The following SLC17A1 variants were observed in gnomAD, a reference collection of about 807,000 sequenced individuals.
SLC17A1 encodes solute carrier family 17 member 1.
In SLC17A1, 51 loss-of-function variants were observed where a neutral mutation model predicts 53.5. The ratio of observed to expected loss-of-function variants is 0.95; its 90% CI spans 0.76 to 1.20. The LOEUF is 1.20. SLC17A1 is among the 50% of genes most tolerant of loss of function. SLC17A1 has a pLI of 0.00. For synonymous variants in SLC17A1, 179 were observed against 198.8 expected, an observed-to-expected ratio of 0.90 and a Z score of 0.84; for missense variants, 538 against 568.2, an observed-to-expected ratio of 0.95 and a Z score of 0.54.
At chr6:25,732,003 C>T in the SLC17A1 span, 1 of 1,566,952 alleles carries the variant, frequency 6.4e-7, no homozygotes, top group East Asian at 2.3e-5. Flanking sequence ...GGAAGAGATT[C>T]CAGTGTCCGC....
At chr6:25,773,625 C>T in the SLC17A1 span, 39 of 1,613,742 alleles carry the variant, frequency 2.4e-5, no homozygotes, top group Middle Eastern at 3.3e-4. Context: ...ACCATTATGG[C>T]GTACACACCA....
At chr6:25,759,178 G>T in the SLC17A1 span, among the ~76,000 whole-genome samples, 43,556 of 151,788 alleles carry the variant, frequency 0.29, 7,329 homozygotes, top group East Asian at 0.74. Context: ...ATATAATTTC[G>T]ATTTCCTTAA....
downstream of SLC17A1, among the ~76,000 whole-genome samples, chr6:25,782,049 G>C (rs1181586649): frequency 6.6e-6 from 1 of 152,204 alleles, no homozygotes; most frequent in Non-Finnish European, 1.5e-5. Context: ...TTGTGACAAG[G>C]GAGGAATTTT....
chr6:25,732,074 G>C, the SLC17A1 span: 450,936 of 1,170,324 alleles, frequency 0.39, 90,241 homozygotes, highest in African/African-American at 0.47. Context: ...GGCATCTCTT[G>C]CGCTTTTTGT....
In SLC17A1 at chr6:25,811,488, T is replaced by C. The variant is rs1764155269; in HGVS notation, c.1088A>G (p.Tyr363Cys). Residue 363 changes from tyrosine to cysteine, a missense_variant, in exon 10 of 13, where the codon TAC becomes TGC. Transcript: ENST00000244527. ...VCLPYLSSTF[Y>C]SIVIFLILAG... The stretch of plus-strand genomic sequence containing the variant: ...AAGTATTAGGAAAATGACAATGCTG[T>C]AGAAGGTGGAACTCAGGTAAGGCAG... The C allele has an allele frequency of 2.5e-6, 4 of 1,613,800 alleles. No homozygotes were observed. The highest frequency in any genetic ancestry group is 2.7e-5 in the African/African-American group (2 of 74,868).
At chr6:25,726,444 T>G in the SLC17A1 span, 3 of 1,614,062 alleles carry the variant, frequency 1.9e-6, no homozygotes, top group Non-Finnish European at 2.5e-6. Context: ...GGATCCGGCC[T>G]ACGGGAAACT....
rs1314830248 is a variant in SLC17A1 at position 25,800,889 on chromosome 6, C to T, written c.1269+1G>A. On this transcript the variant is annotated splice_donor_variant, in intron 11 of 12. Coordinates refer to ENST00000244527, the MANE Select transcript of SLC17A1 (RefSeq NM_005074.5). LOFTEE classifies it high-confidence loss of function. ...TAACTACACATCTGTATGTTTCTTA[C>T]CTGCTTAAGGATCAATCCAGTCAAA... is the stretch of plus-strand genomic sequence containing the variant. 1.9e-6 allele frequency: 3 copies of T among 1,569,986 alleles called. No homozygotes were observed. Among genetic ancestry groups the T allele is most frequent in the African/African-American group, 1.4e-5 (1 of 74,018 alleles).
At chr6:25,727,535 G>A in the SLC17A1 span, among the ~76,000 whole-genome samples, 7 of 151,316 alleles carry the variant, frequency 4.6e-5, no homozygotes, top group African/African-American at 1.7e-4. Context: ...GGGACTACAG[G>A]CTCCCACCAC....
At chr6:25,826,884 C>T (rs570955675) in intron 2 of SLC17A1, among the ~76,000 whole-genome samples, 16 of 152,198 alleles carry the variant, frequency 1.1e-4, no homozygotes, top group African/African-American at 3.8e-4. Context: ...AGTTCTTTGG[C>T]TCAAGTCTAT....
the SLC17A1 span, chr6:25,727,282 G>C: frequency 6.2e-7 from 1 of 1,601,138 alleles, no homozygotes; most frequent in Non-Finnish European, 8.5e-7. Context: ...AAGTACACCA[G>C]CTCCAAGTAA....
chr6:25,767,342 C>T, the SLC17A1 span, among the ~76,000 whole-genome samples: 1 of 152,002 alleles, frequency 6.6e-6, no homozygotes, highest in Non-Finnish European at 1.5e-5. Context: ...AAGAGATCAT[C>T]CCAATAATAC....
chr6:25,806,724 T>C (rs1282350270), intron 10 of SLC17A1, among the ~76,000 whole-genome samples: 1 of 151,964 alleles, frequency 6.6e-6, no homozygotes, highest in Non-Finnish European at 1.5e-5. Flanking sequence ...AAGAAATAAT[T>C]ATCAGAGTAA....
chr6:25,773,342 C>A, the SLC17A1 span: 1 of 1,613,876 alleles, frequency 6.2e-7, no homozygotes, highest in Non-Finnish European at 8.5e-7. Flanking sequence ...TGAATCATCC[C>A]TTTATCAGTG....
At chr6:25,757,223 C>T in the SLC17A1 span, among the ~76,000 whole-genome samples, 1 of 152,140 alleles carries the variant, frequency 6.6e-6, no homozygotes. Flanking sequence ...CATAACATTT[C>T]CACTTATCTT....
chr6:25,769,325 T>A, the SLC17A1 span: 1 of 846,914 alleles, frequency 1.2e-6, no homozygotes, highest in Non-Finnish European at 1.8e-6. Context: ...CACAAGTACC[T>A]AAGTATCAGG....
At chr6:25,830,031 T>C (rs1764891326) in intron 2 of SLC17A1, among the ~76,000 whole-genome samples, 1 of 152,230 alleles carries the variant, frequency 6.6e-6, no homozygotes, top group Non-Finnish European at 1.5e-5. Flanking sequence ...CATCTCCTTT[T>C]CTGGGATTTT....
At chr6:25,742,354 A>T in the SLC17A1 span, among the ~76,000 whole-genome samples, 1 of 152,154 alleles carries the variant, frequency 6.6e-6, no homozygotes, top group Non-Finnish European at 1.5e-5. Context: ...TGGGCAGGAA[A>T]CTTTTGTTAT....
chr6:25,803,599 G>T (rs1763857816), intron 10 of SLC17A1, among the ~76,000 whole-genome samples: 1 of 152,134 alleles, frequency 6.6e-6, no homozygotes, highest in African/African-American at 2.4e-5. Flanking sequence ...CAAGTTTTTT[G>T]CCAAACAGGT....
chr6:25,745,903 G>A, the SLC17A1 span, among the ~76,000 whole-genome samples: 2 of 152,314 alleles, frequency 1.3e-5, no homozygotes, highest in South Asian at 2.1e-4. Context: ...CATCTGTAAA[G>A]TTCAGCCAAC....
Sources: allele counts gnomAD v4.1 joint callset (sites outside exome capture counted in the v4.1 genomes callset), GRCh38; gene constraint gnomAD v4.1.1; transcripts MANE v1.5; gene names NCBI Gene and HGNC (gene_info 2026-07-23, HGNC 2026-07-21).